Variants in PAPPA2 observed in about 807,000 individuals in gnomAD.
PAPPA2 encodes pappalysin 2, also known as pappalysin-2.
A neutral mutation model predicts 176.4 loss-of-function variants in PAPPA2; 86 were observed. The ratio of observed to expected loss-of-function variants is 0.49; its 90% confidence interval spans 0.41 to 0.58. The LOEUF (loss-of-function observed/expected upper bound fraction) is 0.58, where lower values mean the gene tolerates loss of function less well. Ranked by LOEUF, PAPPA2 falls within the 20% of genes least tolerant of loss-of-function variation. The probability of loss-of-function intolerance (pLI) is 0.00; values close to 1 mark genes in which losing one functional copy is unlikely to be tolerated. For missense variants in PAPPA2, 2,073 were observed against 2,256.9 expected (o/e 0.92, Z 1.65); for synonymous variants, 809 against 852.2 (o/e 0.95, Z 0.88).
At chr1:176,757,888 T>C (rs1433064068) in intron 14 of PAPPA2, among the ~76,000 whole-genome samples, 2 of 152,182 alleles carry the variant, frequency 1.3e-5, no homozygotes, top group Non-Finnish European at 2.9e-5. Context: ...GTAAAACCCA[T>C]ACCCAGAATC....
chr1:176,777,809 G>A (rs2102921196), intron 17 of PAPPA2, among the ~76,000 whole-genome samples: 1 of 152,060 alleles, frequency 6.6e-6, no homozygotes, highest in African/African-American at 2.4e-5. Flanking sequence ...CATCAACACT[G>A]CTGCTGTTTA....
At chr1:176,472,908 G>A (rs954344368) in intron 1 of PAPPA2, among the ~76,000 whole-genome samples, 1 of 152,026 alleles carries the variant, frequency 6.6e-6, no homozygotes, top group Non-Finnish European at 1.5e-5. Flanking sequence ...GCAAAATTGA[G>A]CACAAGGCAC....
chr1:176,596,171 A>G (rs909941), intron 3 of PAPPA2, among the ~76,000 whole-genome samples: 79,764 of 152,044 alleles, frequency 0.52, 23,231 homozygotes, highest in African/African-American at 0.79. Flanking sequence ...TTCTTTGTGC[A>G]GCATCCAGAA....
intron 2 of PAPPA2, among the ~76,000 whole-genome samples, chr1:176,581,101 A>G (rs906615783): frequency 1.3e-5 from 2 of 152,176 alleles, no homozygotes; most frequent in Admixed American, 1.3e-4. Context: ...TTTGTGTCTT[A>G]CATTTAGGTC....
chr1:176,682,779 G>A (rs1479920316), intron 4 of PAPPA2, among the ~76,000 whole-genome samples: 1 of 151,856 alleles, frequency 6.6e-6, no homozygotes, highest in Non-Finnish European at 1.5e-5. Context: ...CTGACTTGAA[G>A]TGCTCCTTCC....
chr1:176,790,098 A>G, intron 18 of PAPPA2, 121 bp downstream of exon 18: 1 of 1,142,940 alleles, frequency 8.7e-7, no homozygotes, highest in Non-Finnish European at 1.3e-6. Context: ...TGGGATTCTA[A>G]TCGGGAGTGT....
At chr1:176,817,729 A>T in intron 21 of PAPPA2, among the ~76,000 whole-genome samples, 1 of 71,508 alleles carries the variant, frequency 1.4e-5, no homozygotes, top group African/African-American at 9.1e-5. Context: ...ACCTCTGTTA[A>T]AAAAAAAAAA....
intron 1 of PAPPA2, among the ~76,000 whole-genome samples, chr1:176,526,686 C>G (rs186012106): frequency 6.6e-6 from 1 of 152,340 alleles, no homozygotes; most frequent in Admixed American, 6.5e-5. Flanking sequence ...TTGTTCCACA[C>G]CTCTGCAACT....
intron 19 of PAPPA2, 106 bp downstream of exon 19, chr1:176,791,588 C>A: frequency 7.4e-7 from 1 of 1,343,802 alleles, no homozygotes; most frequent in Non-Finnish European, 1.0e-6. Flanking sequence ...GAGTCTTGCT[C>A]TGTCGCCCAG....
intron 9 of PAPPA2, 48 bp downstream of exon 9, chr1:176,702,783 GA>G: frequency 9.1e-7 from 1 of 1,102,494 alleles, no homozygotes; most frequent in South Asian, 2.0e-5. Context: ...GTGTGAGAGA[GA>G]GAGAGAGAGA....
intron 15 of PAPPA2, among the ~76,000 whole-genome samples, chr1:176,768,566 C>G (rs1664080323): frequency 1.3e-5 from 2 of 152,228 alleles, no homozygotes; most frequent in East Asian, 3.9e-4. Flanking sequence ...ACTTTCTTTT[C>G]TGCCTTTCTC....
chr1:176,587,494 A>G (rs1573084044), intron 2 of PAPPA2, among the ~76,000 whole-genome samples: 1 of 152,174 alleles, frequency 6.6e-6, no homozygotes, highest in East Asian at 1.9e-4. Flanking sequence ...GTTCAGTTTC[A>G]GTTTTCTGAC....
At chr1:176,787,454 T>G (rs1382348885) in intron 17 of PAPPA2, among the ~76,000 whole-genome samples, 1 of 152,008 alleles carries the variant, frequency 6.6e-6, no homozygotes, top group African/African-American at 2.4e-5. Flanking sequence ...CAGGCTAGTC[T>G]CAAACTCCTG....
intron 17 of PAPPA2, among the ~76,000 whole-genome samples, chr1:176,782,940 G>A (rs1451107093): frequency 1.3e-5 from 2 of 152,134 alleles, no homozygotes; most frequent in Non-Finnish European, 2.9e-5. Context: ...GAAACACCTG[G>A]GAGGTAAAGC....
At chr1:176,471,680 A>G (rs548913201) in intron 1 of PAPPA2, among the ~76,000 whole-genome samples, 23 of 152,256 alleles carry the variant, frequency 1.5e-4, no homozygotes, top group African/African-American at 4.8e-4. Context: ...TTACCACCCA[A>G]ATGACATCCT....
chr1:176,531,159 CA>C (rs1198155707), intron 1 of PAPPA2, among the ~76,000 whole-genome samples: 8 of 152,142 alleles, frequency 5.3e-5, no homozygotes, highest in African/African-American at 1.9e-4. Context: ...GTGTTCACAC[CA>C]ACACAGTTTC....
chr1:176,489,723 T>C (rs1031187878), intron 1 of PAPPA2, among the ~76,000 whole-genome samples: 1 of 152,200 alleles, frequency 6.6e-6, no homozygotes, highest in Admixed American at 6.5e-5. Flanking sequence ...GAAATAAAAG[T>C]TGTGAAAAAT....
rs529734025 is a variant in PAPPA2, at chr1:176,682,381, G to A, written c.2138-7756G>A. On this transcript the variant is annotated intron_variant, in intron 4 of 22. Transcript: ENST00000367662. ...AAGTTTTGGATTGAAAGAGACTTGA[G>A]CATGGTTACAGTCTACAACCTGATG... Among the ~76,000 whole-genome samples the A allele has an allele frequency of 5.9e-5, 9 of 152,296 alleles. No homozygotes were observed. The East Asian group carries it at 1.5e-3, about 26-fold the overall frequency.
At chr1:176,757,922 C>T (rs1357930690) in intron 14 of PAPPA2, among the ~76,000 whole-genome samples, 1 of 152,102 alleles carries the variant, frequency 6.6e-6, no homozygotes, top group African/African-American at 2.4e-5. Flanking sequence ...GCAATTTGCC[C>T]AGCACTAGGA....
Sources: allele counts gnomAD v4.1 joint callset (sites outside exome capture counted in the v4.1 genomes callset), GRCh38; gene constraint gnomAD v4.1.1; transcripts MANE v1.5; gene names NCBI Gene and HGNC (gene_info 2026-07-23, HGNC 2026-07-21).